The following RANBP17 variants were observed in gnomAD, a reference collection of about 807,000 sequenced individuals.
RANBP17 encodes ran-binding protein 17.
Under a neutral mutation model 141.2 loss-of-function variants are expected in RANBP17, and 158 were observed. That is an observed-to-expected ratio of 1.12 (90% CI 0.98 to 1.28). RANBP17 has a LOEUF of 1.28. Ranked by LOEUF, RANBP17 falls within the 50% of genes most tolerant of loss-of-function variation. RANBP17 has a pLI of 0.00. For synonymous variants in RANBP17, 430 were observed against 450.0 expected (o/e 0.96, Z 0.56); for missense variants, 1,438 against 1,290.7 (o/e 1.11, Z -1.75).
chr5:170,922,515 T>A (rs1460697553), intron 11 of RANBP17, among the ~76,000 whole-genome samples: 1 of 152,184 alleles, frequency 6.6e-6, no homozygotes, highest in African/African-American at 2.4e-5. Context: ...TATTCAAGCC[T>A]CAGCAATGGC....
intron 14 of RANBP17, among the ~76,000 whole-genome samples, chr5:171,052,015 A>G (rs1782983512): frequency 6.6e-6 from 1 of 152,120 alleles, no homozygotes; most frequent in African/African-American, 2.4e-5. Flanking sequence ...GAGGTTTAGC[A>G]TCATTTGTTT....
At chr5:171,097,149 T>A (rs1468043625) in intron 14 of RANBP17, among the ~76,000 whole-genome samples, 1 of 152,108 alleles carries the variant, frequency 6.6e-6, no homozygotes, top group Non-Finnish European at 1.5e-5. Context: ...GGGAAGAAAT[T>A]TGAGTCATGT....
chr5:170,961,989 C>T (rs977282934), intron 13 of RANBP17, among the ~76,000 whole-genome samples: 10 of 152,080 alleles, frequency 6.6e-5, no homozygotes, highest in African/African-American at 1.9e-4. Flanking sequence ...TGTAAATGAA[C>T]GTGTTATGTG....
intron 25 of RANBP17, 92 bp from the exon 26 acceptor site, chr5:171,293,791 T>C: frequency 1.1e-6 from 1 of 896,452 alleles, no homozygotes. Context: ...GTTAGCAAGA[T>C]GGAGGGGTGG....
At chr5:171,048,639 A>G (rs1292966916) in intron 14 of RANBP17, among the ~76,000 whole-genome samples, 2 of 151,908 alleles carry the variant, frequency 1.3e-5, no homozygotes, top group Non-Finnish European at 1.5e-5. Flanking sequence ...CCCATCCCCT[A>G]CCCTCCAGTA....
At chr5:171,186,521 A>ATTTTTTTT (rs1243325206) in intron 18 of RANBP17, among the ~76,000 whole-genome samples, 23 of 29,496 alleles carry the variant, frequency 7.8e-4, no homozygotes, top group Admixed American at 1.4e-3. Context: ...CACTGGTATG[A>ATTTTTTTT]TTTTCTTTTT....
In RANBP17 at chr5:170,968,471, A is replaced by G. The variant is rs368936445; in HGVS notation, c.1710+94A>G. The G allele has an allele frequency of 7.6e-4, 856 of 1,125,768 alleles. 9 individuals carry two copies. In the South Asian group the frequency reaches 0.011, roughly 14 times the overall value. The allele number at this position is 1,125,768 out of a possible 1,614,324, so 69.7% of individuals were successfully genotyped here. A position where few individuals can be genotyped will look rare whatever the true frequency, so the allele number is the denominator to read the frequency against. ...TGATATATTTGGGAAATTTCTACAT[A>G]AGACGTGTAATTGATTAATGAATTG... On this transcript the variant is annotated intron_variant, in intron 14 of 27. Transcript: ENST00000523189.
intron 14 of RANBP17, among the ~76,000 whole-genome samples, chr5:171,086,508 C>G (rs1174970809): frequency 1.5e-5 from 2 of 134,410 alleles, no homozygotes; most frequent in African/African-American, 5.7e-5. Context: ...CCCTCTTTTT[C>G]TATTGATTGG....
chr5:171,221,864 C>T, intron 22 of RANBP17, 24 bp downstream of exon 22: 2 of 1,280,744 alleles, frequency 1.6e-6, no homozygotes, highest in Non-Finnish European at 2.3e-6. Context: ...TCCATATGTG[C>T]CTCTGCAATA....
intron 12 of RANBP17, among the ~76,000 whole-genome samples, chr5:170,937,931 C>T (rs907324407): frequency 2.0e-5 from 3 of 152,288 alleles, no homozygotes; most frequent in East Asian, 1.9e-4. Context: ...ACTACATCCT[C>T]TGAAAGGCCT....
At chr5:171,277,225 G>A (rs574227626) in intron 25 of RANBP17, among the ~76,000 whole-genome samples, 4 of 152,090 alleles carry the variant, frequency 2.6e-5, no homozygotes, top group African/African-American at 9.6e-5. Context: ...TGATACAAGT[G>A]CAGCCTTTCT....
intron 18 of RANBP17, among the ~76,000 whole-genome samples, chr5:171,192,538 G>A (rs769844800): frequency 2.0e-5 from 3 of 152,124 alleles, no homozygotes; most frequent in African/African-American, 4.8e-5. Context: ...AAGAATTAAA[G>A]GGCACCTCAG....
At chr5:171,191,682 G>A (rs538126073) in intron 18 of RANBP17, among the ~76,000 whole-genome samples, 11 of 148,314 alleles carry the variant, frequency 7.4e-5, no homozygotes, top group South Asian at 4.3e-4. Context: ...GCGAGACTCC[G>A]TCTCAAAAAA....
At chr5:170,940,765 A>G (rs1425725428) in intron 12 of RANBP17, among the ~76,000 whole-genome samples, 1 of 152,204 alleles carries the variant, frequency 6.6e-6, no homozygotes, top group Non-Finnish European at 1.5e-5. Flanking sequence ...TGATGTATAT[A>G]AAACACTGGA....
intron 16 of RANBP17, among the ~76,000 whole-genome samples, chr5:171,182,256 G>A (rs937694071): frequency 2.0e-5 from 3 of 152,206 alleles, no homozygotes; most frequent in African/African-American, 4.8e-5. Context: ...TCTAGCTGTG[G>A]TAGAAAACAC....
chr5:171,235,983 A>T (rs1348248413), intron 22 of RANBP17, among the ~76,000 whole-genome samples: 1 of 152,188 alleles, frequency 6.6e-6, no homozygotes, highest in African/African-American at 2.4e-5. Flanking sequence ...TATTTTTCTA[A>T]ATCCTTATCA....
intron 21 of RANBP17, 117 bp downstream of exon 21, chr5:171,213,855 C>A: frequency 2.6e-6 from 2 of 778,648 alleles, no homozygotes; most frequent in Non-Finnish European, 4.5e-6. Context: ...GCCCAGGAAC[C>A]AAGACTTAAG....
intron 14 of RANBP17, among the ~76,000 whole-genome samples, chr5:171,059,338 G>C (rs1044949786): frequency 1.3e-4 from 20 of 152,158 alleles, no homozygotes; most frequent in Non-Finnish European, 2.1e-4. Context: ...ATTAATTTTT[G>C]TTTAAGGTAT....
At chr5:171,270,922 A>G (rs1282211314) in intron 25 of RANBP17, among the ~76,000 whole-genome samples, 1 of 152,092 alleles carries the variant, frequency 6.6e-6, no homozygotes, top group African/African-American at 2.4e-5. Context: ...TATATTGCAT[A>G]GAGGAATTAG....
Sources: gnomAD v4.1 joint callset for allele counts (sites outside exome capture counted in the v4.1 genomes callset) on GRCh38, gnomAD v4.1.1 for gene constraint, MANE v1.5 for transcripts, NCBI Gene and HGNC (gene_info 2026-07-23, HGNC 2026-07-21) for gene names.